The following N4BP2 variants were observed in gnomAD, a reference collection of about 807,000 sequenced individuals.
N4BP2 encodes NEDD4-binding protein 2.
A neutral mutation model predicts 152.8 loss-of-function variants in N4BP2; 91 were observed. That is an observed-to-expected ratio of 0.60 (90% CI 0.50 to 0.71). The LOEUF is 0.71. Ranked by LOEUF, N4BP2 falls within the 30% of genes least tolerant of loss-of-function variation. The probability of loss-of-function intolerance (pLI) is 0.00; values close to 1 mark genes in which losing one functional copy is unlikely to be tolerated. For synonymous variants in N4BP2, 646 were observed against 705.3 expected, an observed-to-expected ratio of 0.92 and a Z score of 1.33; for missense variants, 1,923 against 2,059.1, an observed-to-expected ratio of 0.93 and a Z score of 1.28.
chr4:40,089,012 A>G (rs902479085), intron 2 of N4BP2, among the ~76,000 whole-genome samples: 2 of 150,878 alleles, frequency 1.3e-5, no homozygotes, highest in Non-Finnish European at 3.0e-5. Context: ...GTGCAATGGC[A>G]TGATCATAGC....
In N4BP2 at chr4:40,155,963, T is replaced by G. The variant is rs1721568856; in HGVS notation, c.*1726T>G. 1 of 152,212 alleles carries G rather than the reference T, an allele frequency of 6.6e-6. No individual in the cohort carries two copies. Among genetic ancestry groups the G allele is most frequent in the Non-Finnish European group, 1.5e-5 (1 of 68,024 alleles). 9.4% of individuals were successfully genotyped at this position (152,212 alleles called of 1,614,324 possible). A position where few individuals can be genotyped will look rare whatever the true frequency, so the allele number is the denominator to read the frequency against. On this transcript the variant is annotated 3_prime_UTR_variant, in exon 18 of 18. Transcript: ENST00000261435. The stretch of plus-strand genomic sequence containing the variant: ...ATTGAAGTATTATTCACACTTATGT[T>G]TGTAATAATTTATTTAAAGAATGCC...
chr4:40,159,140 T>C (rs1721788093), downstream of N4BP2, among the ~76,000 whole-genome samples: 1 of 152,218 alleles, frequency 6.6e-6, no homozygotes, highest in South Asian at 2.1e-4. Context: ...GTCAGAGGTA[T>C]AACTTGAACC....
At chr4:40,132,183 A>C (rs770529831) in intron 13 of N4BP2, among the ~76,000 whole-genome samples, 7 of 152,162 alleles carry the variant, frequency 4.6e-5, no homozygotes, top group Non-Finnish European at 8.8e-5. Context: ...ACTATAACTA[A>C]CAATAAAATA....
At chr4:40,081,588 G>T (rs1713371527) in intron 2 of N4BP2, among the ~76,000 whole-genome samples, 1 of 152,080 alleles carries the variant, frequency 6.6e-6, no homozygotes, top group Non-Finnish European at 1.5e-5. Flanking sequence ...GGAGGTTGTA[G>T]TGAGCCAAGA....
Position 40,121,404 on chromosome 4 carries a change from T to G in N4BP2, c.3293T>G (p.Leu1098Arg). 1 of 1,611,680 alleles carries G rather than the reference T, an allele frequency of 6.2e-7. No individual in the cohort carries two copies. The change falls in exon 9 of 18, where the codon CTG becomes CGG. Residue 1098 changes from leucine to arginine, a missense_variant. Coordinates refer to ENST00000261435, the MANE Select transcript of N4BP2 (RefSeq NM_018177.6). ...ESENLNILCK[L>R]FGSFSLEALK... ...GAAAATCTTAACATTCTTTGTAAAC[T>G]GTTTGGATCCTTTTCATTAGAAGCC...
intron 5 of N4BP2, among the ~76,000 whole-genome samples, chr4:40,107,677 C>T (rs1426161096): frequency 2.6e-5 from 4 of 152,170 alleles, no homozygotes; most frequent in Non-Finnish European, 4.4e-5. Flanking sequence ...AGCCACCGTG[C>T]GTGGCCTATA....
chr4:40,067,133 C>T (rs974367255), intron 1 of N4BP2, among the ~76,000 whole-genome samples: 1 of 144,732 alleles, frequency 6.9e-6, no homozygotes, highest in East Asian at 2.0e-4. Context: ...TCATGGCTCA[C>T]TGCAGCCTTG....
intron 5 of N4BP2, among the ~76,000 whole-genome samples, chr4:40,110,874 C>G (rs149302189): frequency 6.6e-6 from 1 of 152,200 alleles, no homozygotes; most frequent in East Asian, 1.9e-4. Flanking sequence ...TTTGTTTCTT[C>G]ATTAGTGAGT....
chr4:40,183,971 G>A, the N4BP2 span, among the ~76,000 whole-genome samples: 1 of 152,198 alleles, frequency 6.6e-6, no homozygotes, highest in Non-Finnish European at 1.5e-5. Context: ...ACCTCTCCCA[G>A]GAGCAAGCAA....
intron 3 of N4BP2, among the ~76,000 whole-genome samples, chr4:40,101,769 T>G (rs541838921): frequency 1.3e-5 from 2 of 152,328 alleles, no homozygotes; most frequent in South Asian, 2.1e-4. Flanking sequence ...TATGTCCAAT[T>G]ACAGATATTT....
intron 13 of N4BP2, among the ~76,000 whole-genome samples, chr4:40,134,912 TC>T (rs1719228260): frequency 6.6e-6 from 1 of 150,880 alleles, no homozygotes; most frequent in Non-Finnish European, 1.5e-5. Context: ...TTTCTCTCTC[TC>T]TCTCTCTCTT....
At chr4:40,071,364 G>A (rs991777461) in intron 1 of N4BP2, among the ~76,000 whole-genome samples, 7 of 152,128 alleles carry the variant, frequency 4.6e-5, no homozygotes, top group Non-Finnish European at 1.0e-4. Context: ...TTTTGGAAGA[G>A]TATCTCATTT....
intron 4 of N4BP2, among the ~76,000 whole-genome samples, chr4:40,106,403 A>AC (rs1004503209): frequency 6.6e-6 from 1 of 151,816 alleles, no homozygotes; most frequent in Admixed American, 6.6e-5. Flanking sequence ...TGTAACCTAA[A>AC]CCCCCTGGGT....
chr4:40,103,243 A>C (rs1469480986), intron 4 of N4BP2, 25 bp downstream of exon 4: 2 of 1,556,936 alleles, frequency 1.3e-6, no homozygotes, highest in African/African-American at 1.4e-5. Context: ...TGGGTTTTTA[A>C]AAAATAGTAT....
At chr4:40,162,931 C>T (rs1319833982), downstream of N4BP2, among the ~76,000 whole-genome samples, 1 of 152,128 alleles carries the variant, frequency 6.6e-6, no homozygotes. Flanking sequence ...TCTCAAAATC[C>T]AAGGGGAGAG....
chr4:40,074,990 G>C (rs780360384), intron 2 of N4BP2, among the ~76,000 whole-genome samples: 4 of 151,584 alleles, frequency 2.6e-5, no homozygotes, highest in South Asian at 2.1e-4. Flanking sequence ...CTGGGCGACA[G>C]AGTGAGACTC....
intron 2 of N4BP2, among the ~76,000 whole-genome samples, chr4:40,091,028 T>C (rs1374862582): frequency 6.8e-6 from 1 of 146,954 alleles, no homozygotes; most frequent in East Asian, 2.0e-4. Context: ...TTTGCAATTG[T>C]GAAGGGTACT....
chr4:40,123,279 A>G, intron 10 of N4BP2, 67 bp downstream of exon 10: 2 of 1,062,502 alleles, frequency 1.9e-6, no homozygotes, highest in Middle Eastern at 2.0e-4. Flanking sequence ...TTTCAGTGAA[A>G]TCTACCACAT....
At chr4:40,176,503 C>T in the N4BP2 span, among the ~76,000 whole-genome samples, 1 of 152,098 alleles carries the variant, frequency 6.6e-6, no homozygotes, top group African/African-American at 2.4e-5. Flanking sequence ...ATAGTTTTGA[C>T]AAAAGTACTC....
Sources: allele counts gnomAD v4.1 joint callset (sites outside exome capture counted in the v4.1 genomes callset), GRCh38; gene constraint gnomAD v4.1.1; transcripts MANE v1.5; gene names NCBI Gene and HGNC (gene_info 2026-07-23, HGNC 2026-07-21).